The following GNAL variants were observed in gnomAD, a reference collection of about 807,000 sequenced individuals.
The protein encoded by GNAL is guanine nucleotide-binding protein G(olf) subunit alpha.
Under a neutral mutation model 55.1 loss-of-function variants are expected in GNAL, and 18 were observed. That is an observed-to-expected ratio of 0.33 (90% CI 0.23 to 0.48). The LOEUF (loss-of-function observed/expected upper bound fraction) is 0.48. Ranked by LOEUF, GNAL falls within the 20% of genes least tolerant of loss-of-function variation. The probability of loss-of-function intolerance (pLI) is 0.99; values close to 1 mark genes in which losing one functional copy is unlikely to be tolerated. For synonymous variants in GNAL, 253 were observed against 237.0 expected (o/e 1.07, Z -0.62); for missense variants, 412 against 614.1 (o/e 0.67, Z 3.48).
At chr18:11,807,881 C>T (rs372019701) in intron 4 of GNAL, among the ~76,000 whole-genome samples, 68 of 152,102 alleles carry the variant, frequency 4.5e-4, no homozygotes, top group African/African-American at 1.6e-3. Flanking sequence ...GACAGTGTTT[C>T]ACGGGGAGGG....
chr18:11,879,163 G>GT (rs35500223), intron 11 of GNAL, among the ~76,000 whole-genome samples: 5,485 of 146,820 alleles, frequency 0.037, 114 homozygotes, highest in Middle Eastern at 0.072. Flanking sequence ...GTGTCCATAA[G>GT]TTTTTTTTTT....
intron 10 of GNAL, among the ~76,000 whole-genome samples, chr18:11,875,879 G>T (rs1266991196): frequency 1.3e-5 from 2 of 152,172 alleles, no homozygotes; most frequent in Admixed American, 1.3e-4. Context: ...GACACCGGCC[G>T]ATTCAGTGTC....
intron 4 of GNAL, among the ~76,000 whole-genome samples, chr18:11,796,596 CA>C (rs1334256873): frequency 1.5e-5 from 2 of 129,176 alleles, no homozygotes; most frequent in Admixed American, 8.1e-5. Context: ...AAAAAAAAAA[CA>C]AAACACGCAA....
chr18:11,765,201 T>C (rs1166951782), intron 4 of GNAL, among the ~76,000 whole-genome samples: 1 of 152,234 alleles, frequency 6.6e-6, no homozygotes, highest in Admixed American at 6.5e-5. Flanking sequence ...ATGACCATTT[T>C]TATCTAAAGT....
chr18:11,845,723 T>G (rs778432253), intron 5 of GNAL, among the ~76,000 whole-genome samples: 6 of 110,700 alleles, frequency 5.4e-5, no homozygotes, highest in South Asian at 2.7e-4. Flanking sequence ...AGGAAAGAAA[T>G]AAAGGAAGGA....
chr18:11,858,456 T>TA (rs1371595003), intron 5 of GNAL, among the ~76,000 whole-genome samples: 1 of 152,228 alleles, frequency 6.6e-6, no homozygotes, highest in African/African-American at 2.4e-5. Context: ...GAGGCAATGT[T>TA]ATAACCCTTT....
At chr18:11,774,791 C>G (rs1296172887) in intron 4 of GNAL, among the ~76,000 whole-genome samples, 1 of 152,182 alleles carries the variant, frequency 6.6e-6, no homozygotes, top group Non-Finnish European at 1.5e-5. Context: ...AGCCTTGTTG[C>G]AGCTACAAGC....
intron 1 of GNAL, among the ~76,000 whole-genome samples, chr18:11,739,402 T>TC (rs1232523208): frequency 2.0e-5 from 3 of 152,146 alleles, no homozygotes; most frequent in Admixed American, 1.3e-4. Context: ...CCAAAGGACG[T>TC]CCGTGTGTGT....
chr18:11,838,259 G>A (rs528127738), intron 5 of GNAL, among the ~76,000 whole-genome samples: 2 of 152,318 alleles, frequency 1.3e-5, no homozygotes, highest in Non-Finnish European at 1.5e-5. Flanking sequence ...CTACAACATG[G>A]ATGATCCTTG....
intron 1 of GNAL, among the ~76,000 whole-genome samples, chr18:11,750,399 C>T (rs1027814860): frequency 2.0e-5 from 3 of 151,596 alleles, no homozygotes; most frequent in African/African-American, 7.3e-5. Flanking sequence ...GCGGTGGGCA[C>T]GGTGAGAGCT....
intron 5 of GNAL, among the ~76,000 whole-genome samples, chr18:11,845,331 C>T (rs1311617714): frequency 6.6e-6 from 1 of 152,068 alleles, no homozygotes; most frequent in Admixed American, 6.6e-5. Flanking sequence ...AATCATTTTC[C>T]ATCCAGAAGC....
chr18:11,880,436 A>AT (rs2036650726), intron 11 of GNAL, among the ~76,000 whole-genome samples: 3 of 150,504 alleles, frequency 2.0e-5, no homozygotes, highest in Non-Finnish European at 4.4e-5. Flanking sequence ...AGGCGTGGGC[A>AT]CGGTGATGGA....
chr18:11,830,141 A>G (rs1192499999), intron 5 of GNAL, among the ~76,000 whole-genome samples: 2 of 151,826 alleles, frequency 1.3e-5, no homozygotes, highest in Non-Finnish European at 2.9e-5. Flanking sequence ...GTCCGTACTC[A>G]CTCGCCTTTC....
intron 5 of GNAL, chr18:11,857,703 CT>C (rs1357832883): frequency 7.4e-5 from 73 of 985,282 alleles, no homozygotes; most frequent in Non-Finnish European, 8.2e-5. Flanking sequence ...CGCCGATATG[CT>C]GCGAGTCTGG....
At chr18:11,825,988 T>A (rs1249343181) in intron 5 of GNAL, among the ~76,000 whole-genome samples, 1 of 152,210 alleles carries the variant, frequency 6.6e-6, no homozygotes, top group Non-Finnish European at 1.5e-5. Context: ...TTTTACATTT[T>A]AAATCTCTAA....
chr18:11,763,778 G>T (rs2033318786), intron 4 of GNAL, among the ~76,000 whole-genome samples: 3 of 152,148 alleles, frequency 2.0e-5, no homozygotes, highest in African/African-American at 7.2e-5. Flanking sequence ...GGTAACTCTG[G>T]TCAGTAATCT....
At chr18:11,767,096 C>G (rs2033429952) in intron 4 of GNAL, among the ~76,000 whole-genome samples, 1 of 152,184 alleles carries the variant, frequency 6.6e-6, no homozygotes, top group Non-Finnish European at 1.5e-5. Flanking sequence ...TATTTCTGCC[C>G]AGGAAGAAAT....
At chr18:11,706,197 G>T in intron 1 of GNAL, among the ~76,000 whole-genome samples, 1 of 151,204 alleles carries the variant, frequency 6.6e-6, no homozygotes, top group East Asian at 1.9e-4. Flanking sequence ...GATATTGCAG[G>T]TTCAGTTCCA....
chr18:11,864,086 C>CTTTTTTT (rs3981355), intron 6 of GNAL, among the ~76,000 whole-genome samples: 3,750 of 128,836 alleles, frequency 0.029, 246 homozygotes, highest in African/African-American at 0.11. Flanking sequence ...CGTCTGAGTT[C>CTTTTTTT]TTTTTTTTTT....
Sources: allele counts gnomAD v4.1 joint callset (sites outside exome capture counted in the v4.1 genomes callset), GRCh38; gene constraint gnomAD v4.1.1; transcripts MANE v1.5; gene names NCBI Gene and HGNC (gene_info 2026-07-23, HGNC 2026-07-21).